CDC42EP5: variants seen among roughly 807,000 people sequenced by gnomAD.
CDC42EP5 encodes CDC42 effector protein 5.
For synonymous variants in CDC42EP5, 118 were observed against 123.3 expected, an observed-to-expected ratio of 0.96 and a Z score of 0.28; for missense variants, 269 against 238.0, an observed-to-expected ratio of 1.13 and a Z score of -0.86.
chr19:54,468,346 TACACACACACACAC>T (rs71959392), intron 2 of CDC42EP5, among the ~76,000 whole-genome samples: 3 of 148,484 alleles, frequency 2.0e-5, no homozygotes, highest in African/African-American at 5.0e-5. Flanking sequence ...AAGACTGGCC[TACACACACACACAC>T]ACACACACAC....
chr19:54,468,848 G>A (rs150775724), intron 2 of CDC42EP5, among the ~76,000 whole-genome samples: 1 of 147,136 alleles, frequency 6.8e-6, no homozygotes, highest in Non-Finnish European at 1.5e-5. Flanking sequence ...CAGTAAGCCC[G>A]GCCAATACTT....
chr19:54,468,293 A>G (rs2084782879), intron 2 of CDC42EP5, among the ~76,000 whole-genome samples: 1 of 152,120 alleles, frequency 6.6e-6, no homozygotes, highest in Admixed American at 6.6e-5. Flanking sequence ...GAGGAAAATG[A>G]AAGCCAAAGG....
At chr19:54,466,659 A>G (rs573354691) in intron 2 of CDC42EP5, among the ~76,000 whole-genome samples, 2 of 149,958 alleles carry the variant, frequency 1.3e-5, no homozygotes, top group African/African-American at 4.9e-5. Flanking sequence ...AGCAGATTCA[A>G]TCAACTGCTG....
In CDC42EP5 at chr19:54,473,135, G is replaced by A. The variant is rs190592559; in HGVS notation, c.-213C>T. ...GAGCCCAGGCAGAAGCGGAATCACCGCCCAGTCCCCAGGCAGAGAGGGTTT... is the reference window on the plus strand; with the variant it reads ...GAGCCCAGGCAGAAGCGGAATCACCACCCAGTCCCCAGGCAGAGAGGGTTT... On this transcript the variant is annotated 5_prime_UTR_variant, in exon 1 of 3. Coordinates refer to ENST00000301200, the MANE Select transcript of CDC42EP5 (RefSeq NM_145057.4). The A allele has an allele frequency of 2.9e-3, 451 of 153,338 alleles. 2 individuals are homozygous for A. The highest frequency in any genetic ancestry group is 0.011 in the African/African-American group (443 of 41,584). 9.5% of individuals were successfully genotyped at this position (153,338 alleles called of 1,614,324 possible).
intron 2 of CDC42EP5, among the ~76,000 whole-genome samples, chr19:54,469,675 A>G (rs1324614520): frequency 6.6e-6 from 1 of 152,228 alleles, no homozygotes; most frequent in Non-Finnish European, 1.5e-5. Context: ...TTCAATTAAC[A>G]TATGCTCAAT....
At chr19:54,472,662 T>G (rs539541061) in intron 1 of CDC42EP5, among the ~76,000 whole-genome samples, 9 of 5,262 alleles carry the variant, frequency 1.7e-3, no homozygotes, top group Admixed American at 3.0e-3. Context: ...CAGGCCCCCA[T>G]CCCCTCCTCC....
chr19:54,466,567 G>A (rs1260226296), intron 2 of CDC42EP5, among the ~76,000 whole-genome samples: 2 of 152,168 alleles, frequency 1.3e-5, no homozygotes, highest in Admixed American at 1.3e-4. Context: ...CCACGCACAC[G>A]AGGAAGAGGC....
chr19:54,469,431 T>A (rs2084806159), intron 2 of CDC42EP5, among the ~76,000 whole-genome samples: 1 of 152,212 alleles, frequency 6.6e-6, no homozygotes, highest in Non-Finnish European at 1.5e-5. Context: ...CAGCACTTGC[T>A]CTGCTGTGGG....
intron 2 of CDC42EP5, among the ~76,000 whole-genome samples, chr19:54,470,007 T>C (rs1034336654): frequency 4.6e-5 from 7 of 152,172 alleles, no homozygotes; most frequent in African/African-American, 1.4e-4. Flanking sequence ...CATTTCCTTC[T>C]TGTGCGATCC....
At chr19:54,472,569 C>T (rs1343657049) in intron 1 of CDC42EP5, among the ~76,000 whole-genome samples, 6 of 34,030 alleles carry the variant, frequency 1.8e-4, no homozygotes, top group African/African-American at 3.1e-4. Flanking sequence ...TCCCTCAGAC[C>T]CAGGAGTCCA....
intron 2 of CDC42EP5, among the ~76,000 whole-genome samples, chr19:54,470,244 C>T (rs531765839): frequency 5.3e-5 from 8 of 152,114 alleles, no homozygotes; most frequent in Middle Eastern, 3.4e-3. Context: ...CTGTGTCATG[C>T]ACCTGCAGTT....
At position 54,465,541 on chromosome 19, in the gene CDC42EP5, C is replaced by G. The variant is rs1330123515; in HGVS notation, c.7G>C (p.Val3Leu). The change falls in exon 3 of 3, where the codon GTG (valine) becomes CTG (leucine). Residue 3 changes from valine (V) to leucine (L), a missense_variant. Val to Leu is a conservative substitution (Grantham distance 32). Coordinates refer to ENST00000301200, the MANE Select transcript of CDC42EP5 (RefSeq NM_145057.4). Reference sequence around the variant, plus strand: ...TGCGCGGGGCCCAGCTGCTTCAGCACGGGCATCTGCGAGGGGCACGGGAGG... The same window carrying G: ...TGCGCGGGGCCCAGCTGCTTCAGCAGGGGCATCTGCGAGGGGCACGGGAGG... MPVLKQLGPAQPK... is the reference protein window; with the variant it reads MPLLKQLGPAQPK... 6.5e-7 allele frequency: 1 copy of G among 1,528,822 alleles called. No individual in the cohort carries two copies. The highest frequency in any genetic ancestry group is 8.7e-7 in the Non-Finnish European group (1 of 1,149,978). The allele number at this position is 1,528,822 out of a possible 1,614,324, so 94.7% of individuals were successfully genotyped here.
Position 54,465,204 on chromosome 19 carries a change from G to C in CDC42EP5, c.344C>G (p.Ala115Gly), listed in dbSNP as rs2084730216. 1.3e-5 allele frequency: 18 copies of C among 1,438,408 alleles called. No homozygotes were observed. Among genetic ancestry groups the C allele is most frequent in the African/African-American group, 1.5e-5 (1 of 67,338 alleles). 89.1% of individuals were successfully genotyped at this position (1,438,408 alleles called of 1,614,324 possible). The stretch of plus-strand genomic sequence containing the variant: ...GGGTTCCGCGTCGGGCTTGGCGGCA[G>C]CCGCCTCCGGGCGCGCCGCGTCCAT... ...GVMDAARPEA[A>G]AAKPDAEPRP... Residue 115 changes from alanine (A) to glycine (G), a missense_variant, in exon 3 of 3, where the codon GCT (alanine) becomes GGT (glycine). Physicochemically the swap from Ala to Gly is moderately conservative, Grantham distance 60. Coordinates refer to ENST00000301200, the MANE Select transcript of CDC42EP5 (RefSeq NM_145057.4).
Position 54,465,402 on chromosome 19 carries a change from A to G in CDC42EP5, c.146T>C (p.Leu49Pro). ...GGDAFGDTSF[L>P]SRHGGGPPPE... Reference sequence around the variant, plus strand: ...GGGCGGCCCGCCGCCGTGGCGGCTCAGGAACGAGGTGTCCCCGAAGGCGTC... The same window carrying G: ...GGGCGGCCCGCCGCCGTGGCGGCTCGGGAACGAGGTGTCCCCGAAGGCGTC... Residue 49 changes from leucine to proline, a missense_variant, in exon 3 of 3, where the codon CTG becomes CCG. Physicochemically the swap from Leu to Pro is moderately conservative, Grantham distance 98. Coordinates refer to ENST00000301200, the MANE Select transcript of CDC42EP5 (RefSeq NM_145057.4). The G allele has an allele frequency of 3.1e-6, 4 of 1,294,540 alleles. No individual in the cohort carries two copies. Among genetic ancestry groups the G allele is most frequent in the Non-Finnish European group, 3.9e-6 (4 of 1,016,348 alleles). 80.2% of individuals were successfully genotyped at this position (1,294,540 alleles called of 1,614,324 possible).
intron 2 of CDC42EP5, among the ~76,000 whole-genome samples, chr19:54,466,134 T>A (rs1028402599): frequency 2.0e-5 from 3 of 152,134 alleles, no homozygotes; most frequent in Non-Finnish European, 4.4e-5. Flanking sequence ...TTCCCAGACT[T>A]GACTGATAGA....
At chr19:54,466,187 A>G (rs2084755145) in intron 2 of CDC42EP5, among the ~76,000 whole-genome samples, 1 of 152,052 alleles carries the variant, frequency 6.6e-6, no homozygotes, top group African/African-American at 2.4e-5. Context: ...TCACTCCTGT[A>G]ATCCCAGCAC....
rs149679167 is a variant in CDC42EP5 at position 54,470,328 on chromosome 19, T to C, written c.-1+1217A>G. On this transcript the variant is annotated intron_variant, in intron 2 of 2. Coordinates refer to ENST00000301200, the MANE Select transcript of CDC42EP5 (RefSeq NM_145057.4). ...TTGAGGCTGCAGTGAGGTATGATCG[T>C]CCCACCGCACTTCAGCCTGGGCAAC... Among the ~76,000 whole-genome samples the C allele has an allele frequency of 3.2e-3, 484 of 150,778 alleles. 6 individuals are homozygous for C. The highest frequency in any genetic ancestry group is 0.011 in the African/African-American group (455 of 40,946).
chr19:54,470,950 T>C (rs1424355109), intron 2 of CDC42EP5, among the ~76,000 whole-genome samples: 1 of 152,154 alleles, frequency 6.6e-6, no homozygotes, highest in Non-Finnish European at 1.5e-5. Flanking sequence ...GAGTTGGAAG[T>C]CGTTTTCGAA....
chr19:54,466,933 C>CTTTTTT (rs57592448), intron 2 of CDC42EP5, among the ~76,000 whole-genome samples: 3 of 131,152 alleles, frequency 2.3e-5, no homozygotes, highest in Non-Finnish European at 4.8e-5. Flanking sequence ...TGTACCTGAT[C>CTTTTTT]TTTTTTTTTT....
Sources: allele counts gnomAD v4.1 joint callset (sites outside exome capture counted in the v4.1 genomes callset), GRCh38; gene constraint gnomAD v4.1.1; transcripts MANE v1.5; gene names NCBI Gene and HGNC (gene_info 2026-07-23, HGNC 2026-07-21).